Variants in DGKI observed in about 807,000 individuals in gnomAD.
DGKI encodes DAG kinase iota.
In DGKI, 55 loss-of-function variants were observed where a neutral mutation model predicts 147.5. The ratio of observed to expected loss-of-function variants is 0.37; its 90% CI spans 0.30 to 0.47. The LOEUF (loss-of-function observed/expected upper bound fraction) is 0.47, where lower values mean the gene tolerates loss of function less well. Ranked by LOEUF, DGKI falls within the 20% of genes least tolerant of loss-of-function variation. DGKI has a pLI of 1.00. For missense variants in DGKI, 1,007 were observed against 1,323.8 expected, an observed-to-expected ratio of 0.76 and a Z score of 3.71; for synonymous variants, 469 against 477.1, an observed-to-expected ratio of 0.98 and a Z score of 0.22.
intron 27 of DGKI, among the ~76,000 whole-genome samples, chr7:137,456,962 G>T (rs1814229130): frequency 6.6e-6 from 1 of 152,018 alleles, no homozygotes; most frequent in Non-Finnish European, 1.5e-5. Context: ...AATAACAAAG[G>T]CAAATCTCTT....
rs114791669 is a variant in DGKI at position 137,381,992 on chromosome 7, G to A, written c.*9228C>T. 1.4e-3 allele frequency: 211 copies of A among 152,102 alleles called. 1 individual carries two copies. The highest frequency in any genetic ancestry group is 4.6e-3 in the African/African-American group (191 of 41,514). The allele number at this position is 152,102 out of a possible 1,614,324, so 9.4% of individuals were successfully genotyped here. On this transcript the variant is annotated 3_prime_UTR_variant, in exon 33 of 33. Transcript: ENST00000614521. ...ACCAATGATGGGTGGGGAGAGTGGC[G>A]AATAAAAATTCTTTGATCTCCAGAA...
chr7:137,668,281 C>T (rs1174507686), intron 3 of DGKI, among the ~76,000 whole-genome samples: 5 of 152,218 alleles, frequency 3.3e-5, no homozygotes. Flanking sequence ...AGTCTCTGTT[C>T]TCCACGAGAA....
At chr7:137,588,142 A>G (rs1338924964) in intron 12 of DGKI, among the ~76,000 whole-genome samples, 1 of 152,208 alleles carries the variant, frequency 6.6e-6, no homozygotes, top group African/African-American at 2.4e-5. Flanking sequence ...TTATTCTCTC[A>G]TAGGACGTTG....
intron 1 of DGKI, among the ~76,000 whole-genome samples, chr7:137,832,408 C>T (rs915757149): frequency 5.9e-5 from 9 of 152,248 alleles, no homozygotes; most frequent in African/African-American, 2.2e-4. Flanking sequence ...TGCTTGACTT[C>T]CATGTACCTG....
At chr7:137,401,501 T>A (rs1244636425) in intron 30 of DGKI, among the ~76,000 whole-genome samples, 1 of 151,852 alleles carries the variant, frequency 6.6e-6, no homozygotes, top group Non-Finnish European at 1.5e-5. Context: ...CTAGCCTGGG[T>A]GACAGAGTGA....
chr7:137,412,191 T>A lies in DGKI; in HGVS notation c.2778A>T (p.Val926=). Residue 926 remains valine (V), a synonymous_variant, in exon 29 of 33, where the codon GTA becomes GTT. Coordinates refer to ENST00000614521, the MANE Select transcript of DGKI (RefSeq NM_001321708.2). Reference sequence around the variant, plus strand: ...TTACCTTCATAAGATCACCAGCTATTACTGCCTGCAAAATTGCTGTGAAAG... The same window carrying A: ...TTACCTTCATAAGATCACCAGCTATAACTGCCTGCAAAATTGCTGTGAAAG... The part of the protein sequence containing the change: ...SSEDHAILQA[V]IAGDLMKLIE... The A allele has an allele frequency of 5.0e-6, 8 of 1,614,020 alleles. No individual in the cohort carries two copies. Among genetic ancestry groups the A allele is most frequent in the Non-Finnish European group, 5.1e-6 (6 of 1,179,898 alleles).
At chr7:137,593,043 G>A (rs1819669569) in intron 12 of DGKI, among the ~76,000 whole-genome samples, 3 of 152,220 alleles carry the variant, frequency 2.0e-5, no homozygotes, top group Admixed American at 2.0e-4. Flanking sequence ...TGCATTGGCT[G>A]TGGTGAGTCA....
intron 3 of DGKI, among the ~76,000 whole-genome samples, chr7:137,669,245 A>G (rs1585350625): frequency 6.6e-6 from 1 of 152,272 alleles, no homozygotes; most frequent in African/African-American, 2.4e-5. Context: ...ATATGTATCC[A>G]CCTCATCAAT....
At chr7:137,428,407 T>C (rs1349938258) in intron 28 of DGKI, among the ~76,000 whole-genome samples, 1 of 152,156 alleles carries the variant, frequency 6.6e-6, no homozygotes, top group South Asian at 2.1e-4. Flanking sequence ...TATCTCAAAA[T>C]AATAAGAGCT....
At chr7:137,432,668 A>C (rs1235344198) in intron 28 of DGKI, among the ~76,000 whole-genome samples, 1 of 152,192 alleles carries the variant, frequency 6.6e-6, no homozygotes, top group Non-Finnish European at 1.5e-5. Context: ...GCTAATATGG[A>C]ATAAAACCAG....
At chr7:137,524,989 G>A (rs2128954263) in intron 20 of DGKI, among the ~76,000 whole-genome samples, 1 of 152,212 alleles carries the variant, frequency 6.6e-6, no homozygotes, top group Middle Eastern at 3.4e-3. Flanking sequence ...CCTGTGCCAT[G>A]TCCTCCCAGG....
intron 19 of DGKI, among the ~76,000 whole-genome samples, chr7:137,565,015 A>C (rs1818537239): frequency 6.6e-6 from 1 of 152,252 alleles, no homozygotes; most frequent in Admixed American, 6.5e-5. Context: ...ATTTCTAAAA[A>C]ATAATTCTAT....
At chr7:137,547,455 C>T (rs1255951886) in intron 20 of DGKI, among the ~76,000 whole-genome samples, 2 of 152,178 alleles carry the variant, frequency 1.3e-5, no homozygotes, top group Non-Finnish European at 2.9e-5. Flanking sequence ...TTCCTTCTGT[C>T]CATGTGGACC....
At chr7:137,412,289 G>A in intron 28 of DGKI, 82 bp from the exon 29 acceptor site, 1 of 1,309,400 alleles carries the variant, frequency 7.6e-7, no homozygotes, top group Non-Finnish European at 1.1e-6. Context: ...CCATATTTTG[G>A]ATAAGTAGTC....
Position 137,746,279 on chromosome 7 carries a change from A to G in DGKI, c.402-56277T>C, listed in dbSNP as rs116709855. On this transcript the variant is annotated intron_variant, in intron 1 of 32. Transcript: ENST00000614521. ...TGGGTGATGGAGCTGGACCTAGAAT[A>G]TCAAGAGAGAGGTAAAGCCCTATTT... Among the ~76,000 whole-genome samples, 1,007 of 152,310 alleles carry G rather than the reference A, an allele frequency of 6.6e-3. 9 individuals are homozygous for G. Among genetic ancestry groups the G allele is most frequent in the African/African-American group, 0.023 (969 of 41,568 alleles).
chr7:137,791,042 A>G lies in DGKI; in HGVS notation c.401+55420T>C, dbSNP rs563069327. Among the ~76,000 whole-genome samples, 11 of 152,280 alleles carry G rather than the reference A, an allele frequency of 7.2e-5. No individual in the cohort carries two copies. The South Asian group carries it at 2.1e-3, about 29-fold the overall frequency. On this transcript the variant is annotated intron_variant, in intron 1 of 32. Transcript: ENST00000614521. ...GTGAGCAAGGCTTAAGCAACTCATT[A>G]GCAAGGAAACCAGCCCAAGTGAGCA... is the stretch of plus-strand genomic sequence containing the variant.
chr7:137,656,221 TCTAA>T (rs1001741506), intron 4 of DGKI, among the ~76,000 whole-genome samples: 3 of 152,250 alleles, frequency 2.0e-5, no homozygotes, highest in Admixed American at 6.5e-5. Flanking sequence ...GGCTTTTCCA[TCTAA>T]CTGTGTTCTT....
At chr7:137,767,505 G>C (rs1296959439) in intron 1 of DGKI, among the ~76,000 whole-genome samples, 1 of 148,098 alleles carries the variant, frequency 6.8e-6, no homozygotes, top group Non-Finnish European at 1.5e-5. Flanking sequence ...GAGAAGAGAA[G>C]AGAAGAGAAG....
At chr7:137,427,353 G>A (rs983805615) in intron 28 of DGKI, among the ~76,000 whole-genome samples, 6 of 152,142 alleles carry the variant, frequency 3.9e-5, no homozygotes, top group East Asian at 1.9e-4. Flanking sequence ...TGAAAGCAAC[G>A]AGAACAAAGA....
Sources: gnomAD v4.1 joint callset for allele counts (sites outside exome capture counted in the v4.1 genomes callset) on GRCh38, gnomAD v4.1.1 for gene constraint, MANE v1.5 for transcripts, NCBI Gene and HGNC (gene_info 2026-07-23, HGNC 2026-07-21) for gene names.